Variants in DNER observed in about 807,000 individuals in gnomAD.
The protein encoded by DNER is delta/notch like EGF repeat containing, also known as delta and Notch-like epidermal growth factor-related receptor.
DNER carries 33 observed loss-of-function variants against 78.2 expected under a neutral mutation model. The observed-to-expected ratio is 0.42, with a 90% CI of 0.32 to 0.56. DNER has a LOEUF of 0.56. DNER is among the 20% of genes least tolerant of loss of function. The pLI, the probability that DNER is intolerant of heterozygous loss-of-function variation, is 0.11. For synonymous variants in DNER, 417 were observed against 384.8 expected (o/e 1.08, Z -0.98); for missense variants, 918 against 975.3 (o/e 0.94, Z 0.78).
intron 1 of DNER, among the ~76,000 whole-genome samples, chr2:229,627,171 G>A (rs1409806742): frequency 1.3e-5 from 2 of 152,178 alleles, no homozygotes; most frequent in Admixed American, 1.3e-4. Flanking sequence ...TCTAGTGCCA[G>A]CCTCAGACAA....
intron 12 of DNER, 42 bp from the exon 13 acceptor site, chr2:229,358,693 A>G: frequency 6.5e-7 from 1 of 1,532,564 alleles, no homozygotes; most frequent in Non-Finnish European, 9.0e-7. Flanking sequence ...TAAATACTAG[A>G]TCTCAAGTTT....
chr2:229,555,644 T>C (rs1020073652), intron 4 of DNER, among the ~76,000 whole-genome samples: 5 of 152,112 alleles, frequency 3.3e-5, no homozygotes, highest in African/African-American at 1.2e-4. Context: ...AGAGAAGTGG[T>C]GAGTAGGGAG....
chr2:229,502,383 C>A (rs116290158), intron 6 of DNER, among the ~76,000 whole-genome samples: 1,830 of 152,166 alleles, frequency 0.012, 47 homozygotes, highest in African/African-American at 0.042. Flanking sequence ...AACCTAGATA[C>A]GTTCCTCTTG....
rs114146552 is a variant in DNER, at chr2:229,419,898, A to C, written c.1487-1668T>G. Among the ~76,000 whole-genome samples, 1,433 of 148,466 alleles carry C rather than the reference A, an allele frequency of 9.7e-3. 12 individuals carry two copies. The highest frequency in any genetic ancestry group is 0.034 in the Middle Eastern group (10 of 294). On this transcript the variant is annotated intron_variant, in intron 8 of 12. Coordinates refer to ENST00000341772, the MANE Select transcript of DNER (RefSeq NM_139072.4). ...ATTTTTCGTTGTCACAACTGGAGGC[A>C]GGGGGAGGGGTTGCTGCTGGCATCT...
chr2:229,470,358 T>G lies in DNER; in HGVS notation c.1261+6782A>C, dbSNP rs186707627. On this transcript the variant is annotated intron_variant, in intron 7 of 12. Transcript: ENST00000341772. ...ATTTTCAAAGGGGAAAGAAAGCTAA[T>G]GTGGGAAGAGGGTCCTGGTCATTCA... Among the ~76,000 whole-genome samples the G allele has an allele frequency of 2.2e-4, 33 of 152,244 alleles. No individual in the cohort carries two copies. In the East Asian group the frequency reaches 4.6e-3, roughly 21 times the overall value.
At chr2:229,573,341 A>C (rs2396691) in intron 4 of DNER, among the ~76,000 whole-genome samples, 1 of 151,608 alleles carries the variant, frequency 6.6e-6, no homozygotes, top group African/African-American at 2.4e-5. Context: ...GCAAGACAGC[A>C]TTTTCAAAAT....
intron 1 of DNER, among the ~76,000 whole-genome samples, chr2:229,678,263 C>T (rs560504296): frequency 6.6e-6 from 1 of 152,224 alleles, no homozygotes; most frequent in African/African-American, 2.4e-5. Flanking sequence ...AACAGCTTTC[C>T]CAGTCGCTTC....
intron 11 of DNER, among the ~76,000 whole-genome samples, chr2:229,373,991 C>T (rs750067181): frequency 2.0e-5 from 3 of 152,212 alleles, no homozygotes; most frequent in Non-Finnish European, 2.9e-5. Flanking sequence ...CATGGAAAAA[C>T]TCCATCTCTA....
chr2:229,643,918 C>CGT (rs1268875026), intron 1 of DNER, among the ~76,000 whole-genome samples: 1 of 152,114 alleles, frequency 6.6e-6, no homozygotes, highest in Non-Finnish European at 1.5e-5. Context: ...GGTTGCCTAA[C>CGT]GTTGTCTCAA....
intron 1 of DNER, among the ~76,000 whole-genome samples, chr2:229,613,817 A>G (rs1487660375): frequency 6.6e-6 from 1 of 152,182 alleles, no homozygotes; most frequent in Non-Finnish European, 1.5e-5. Flanking sequence ...AACTACATAG[A>G]GTATCAAGCC....
At chr2:229,510,329 A>C (rs1695839760) in intron 6 of DNER, among the ~76,000 whole-genome samples, 1 of 152,258 alleles carries the variant, frequency 6.6e-6, no homozygotes, top group Admixed American at 6.5e-5. Context: ...CCCTGCAGCC[A>C]CGTGGAGAAT....
At chr2:229,535,817 T>C (rs1026571436) in intron 5 of DNER, among the ~76,000 whole-genome samples, 3 of 151,890 alleles carry the variant, frequency 2.0e-5, no homozygotes, top group African/African-American at 7.3e-5. Flanking sequence ...CTAATTGTTG[T>C]ATTTTTAGTT....
intron 1 of DNER, among the ~76,000 whole-genome samples, chr2:229,673,559 G>T (rs2154216892): frequency 6.6e-6 from 1 of 152,292 alleles, no homozygotes; most frequent in African/African-American, 2.4e-5. Context: ...ACAGTCCCCA[G>T]ATACACTGCC....
intron 8 of DNER, among the ~76,000 whole-genome samples, chr2:229,437,199 T>G (rs1166981191): frequency 6.6e-6 from 1 of 151,992 alleles, no homozygotes; most frequent in Non-Finnish European, 1.5e-5. Flanking sequence ...AGCACGTGAG[T>G]GAGATGGAAG....
intron 8 of DNER, 60 bp downstream of exon 8, chr2:229,447,256 C>T: frequency 6.8e-7 from 1 of 1,476,276 alleles, no homozygotes; most frequent in Non-Finnish European, 9.1e-7. Flanking sequence ...AAGTAATGGT[C>T]TTTTGAGATT....
chr2:229,373,982 A>G (rs1052779083), intron 11 of DNER, among the ~76,000 whole-genome samples: 1 of 152,164 alleles, frequency 6.6e-6, no homozygotes, highest in Admixed American at 6.5e-5. Flanking sequence ...CCTGGCCAAC[A>G]TGGAAAAACT....
intron 5 of DNER, among the ~76,000 whole-genome samples, chr2:229,526,670 C>G (rs1052464799): frequency 6.6e-6 from 1 of 152,210 alleles, no homozygotes; most frequent in Admixed American, 6.5e-5. Context: ...CTCCGCTGAT[C>G]GGACAGGAGG....
chr2:229,384,857 T>A (rs924885482), intron 11 of DNER, among the ~76,000 whole-genome samples: 3 of 152,122 alleles, frequency 2.0e-5, no homozygotes, highest in Admixed American at 6.5e-5. Context: ...TACCATTCCT[T>A]CTGAAACTAT....
At chr2:229,421,644 T>TATATATAG (rs1553604444) in intron 8 of DNER, among the ~76,000 whole-genome samples, 1 of 62,298 alleles carries the variant, frequency 1.6e-5, no homozygotes, top group South Asian at 5.1e-4. Flanking sequence ...TATATATATA[T>TATATATAG]AGAGAGAGAG....
Sources: allele counts gnomAD v4.1 joint callset (sites outside exome capture counted in the v4.1 genomes callset), GRCh38; gene constraint gnomAD v4.1.1; transcripts MANE v1.5; gene names NCBI Gene and HGNC (gene_info 2026-07-23, HGNC 2026-07-21).